Variants in EPHA7 observed in about 807,000 individuals in gnomAD.
The protein encoded by EPHA7 is EPH receptor A7.
In EPHA7, 25 loss-of-function variants were observed where a neutral mutation model predicts 112.6. That is an observed-to-expected ratio of 0.22 (90% CI 0.16 to 0.31). EPHA7 has a LOEUF of 0.31. EPHA7 is among the 10% of genes least tolerant of loss of function. The pLI is 1.00. For synonymous variants in EPHA7, 437 were observed against 406.5 expected, an observed-to-expected ratio of 1.07 and a Z score of -0.90; for missense variants, 962 against 1,212.6, an observed-to-expected ratio of 0.79 and a Z score of 3.07.
At position 93,272,075 on chromosome 6, in the gene EPHA7, G is replaced by T. The variant is rs1434083986; in HGVS notation, c.1449+223C>A. 3.3e-5 allele frequency among the ~76,000 whole-genome samples: 5 copies of T among 151,688 alleles called. No homozygotes were observed. The South Asian group carries it at 6.2e-4, about 19-fold the overall frequency. The stretch of plus-strand genomic sequence containing the variant: ...TAAATAAATATATATGCTACAAATG[G>T]GATACTTTCATTTGTGTAACACAGA... On this transcript the variant is annotated intron_variant, in intron 6 of 16. Transcript: ENST00000369303.
intron 5 of EPHA7, among the ~76,000 whole-genome samples, chr6:93,334,926 T>A (rs1774786748): frequency 6.6e-6 from 1 of 152,080 alleles, no homozygotes; most frequent in Non-Finnish European, 1.5e-5. Flanking sequence ...AGAATTGATT[T>A]TTTTTCCCCA....
In EPHA7 at chr6:93,274,496, AT is replaced by A. The variant is rs1771375976; in HGVS notation, c.1325-2075del. On this transcript the variant is annotated intron_variant, in intron 5 of 16. Transcript: ENST00000369303. ...AACTGAAAAAGAAAAGCTGCTAAAA[AT>A]ACTTCAAATATATAATATTTTGAAA... is the stretch of plus-strand genomic sequence containing the variant. 1.3e-5 allele frequency among the ~76,000 whole-genome samples: 2 copies of A among 151,988 alleles called. 1 individual carries two copies. Among genetic ancestry groups the A allele is most frequent in the South Asian group, 4.1e-4 (2 of 4,828 alleles).
At chr6:93,414,838 G>A in intron 1 of EPHA7, 71 bp from the exon 2 acceptor site, 1 of 1,230,738 alleles carries the variant, frequency 8.1e-7, no homozygotes, top group Non-Finnish European at 1.2e-6. Context: ...TTTTTAAGGT[G>A]AATCTTTTCA....
At chr6:93,308,953 T>C (rs1773394833) in intron 5 of EPHA7, among the ~76,000 whole-genome samples, 1 of 152,000 alleles carries the variant, frequency 6.6e-6, no homozygotes, top group East Asian at 1.9e-4. Flanking sequence ...TTCAAACTTT[T>C]TTTTTTTTTT....
chr6:93,391,918 T>A (rs1302637527), intron 3 of EPHA7, among the ~76,000 whole-genome samples: 2 of 151,892 alleles, frequency 1.3e-5, no homozygotes, highest in Admixed American at 1.3e-4. Flanking sequence ...TGAGTTGTAG[T>A]TGGTTTTTGA....
Position 93,255,987 on chromosome 6 carries a change from T to G in EPHA7, c.2223A>C (p.Gly741=). The G allele has an allele frequency of 6.2e-7, 1 of 1,614,058 alleles. No individual in the cohort carries two copies. The highest frequency in any genetic ancestry group is 8.5e-7 in the Non-Finnish European group (1 of 1,179,996). ...CCAAATATCTCATTCCAGCAGCAATTCCTCTCAGCATTCCTACTAACTGAA... is the reference window on the plus strand; with the variant it reads ...CCAAATATCTCATTCCAGCAGCAATGCCTCTCAGCATTCCTACTAACTGAA... ...TVIQLVGMLR[G]IAAGMRYLAD... The change falls in exon 13 of 17, where the codon GGA becomes GGC. Residue 741 remains glycine (G), a synonymous_variant. Transcript: ENST00000369303.
At chr6:93,412,693 G>A (rs1358379635) in intron 2 of EPHA7, among the ~76,000 whole-genome samples, 1 of 152,028 alleles carries the variant, frequency 6.6e-6, no homozygotes, top group African/African-American at 2.4e-5. Flanking sequence ...CTAGATTTCA[G>A]TCTCTTAATT....
intron 5 of EPHA7, among the ~76,000 whole-genome samples, chr6:93,296,221 C>T (rs1772655317): frequency 6.8e-6 from 1 of 148,136 alleles, no homozygotes. Context: ...TTATGGAAAA[C>T]AATATGGAGT....
intron 2 of EPHA7, among the ~76,000 whole-genome samples, chr6:93,413,343 T>C (rs1779067846): frequency 6.6e-6 from 1 of 151,956 alleles, no homozygotes; most frequent in Non-Finnish European, 1.5e-5. Flanking sequence ...CAAGATAACA[T>C]TGACAGTCAT....
intron 5 of EPHA7, among the ~76,000 whole-genome samples, chr6:93,282,997 G>C (rs536279173): frequency 1.3e-3 from 201 of 152,328 alleles, no homozygotes; most frequent in South Asian, 3.5e-3. Flanking sequence ...TGCAGGAGCA[G>C]GGCGCGGGAC....
chr6:93,252,929 A>G (rs1770277684), intron 14 of EPHA7, among the ~76,000 whole-genome samples: 1 of 152,040 alleles, frequency 6.6e-6, no homozygotes, highest in Admixed American at 6.6e-5. Flanking sequence ...CATAATGTTC[A>G]TTTTTAAGAA....
chr6:93,374,008 A>T (rs1463867218), intron 3 of EPHA7, among the ~76,000 whole-genome samples: 2 of 152,172 alleles, frequency 1.3e-5, no homozygotes, highest in East Asian at 3.9e-4. Context: ...TGTCAGAAGA[A>T]TTATTAAGAA....
Position 93,414,738 on chromosome 6 carries a change from T to C in EPHA7, c.127A>G (p.Thr43Ala). ...VLLLDSKAQQ[T>A]ELEWISSPPN... Reference sequence around the variant, plus strand: ...GGAGAGGAAATCCACTCCAACTCTGTTTGTTGTGCTTTAGAATCCAGCAGT... The same window carrying C: ...GGAGAGGAAATCCACTCCAACTCTGCTTGTTGTGCTTTAGAATCCAGCAGT... Residue 43 changes from threonine to alanine, a missense_variant, in exon 2 of 17, where the codon ACA becomes GCA. Thr to Ala is a moderately conservative substitution (Grantham distance 58). Transcript: ENST00000369303. 1 of 1,612,674 alleles carries C rather than the reference T, an allele frequency of 6.2e-7. No homozygotes were observed.
At chr6:93,287,056 C>T (rs950763993) in intron 5 of EPHA7, among the ~76,000 whole-genome samples, 1 of 152,112 alleles carries the variant, frequency 6.6e-6, no homozygotes, top group African/African-American at 2.4e-5. Context: ...AATACTCCAC[C>T]ATGCATATTT....
At chr6:93,269,889 T>C (rs1281370041) in intron 6 of EPHA7, among the ~76,000 whole-genome samples, 7 of 151,906 alleles carry the variant, frequency 4.6e-5, no homozygotes, top group African/African-American at 1.4e-4. Context: ...AAAACATTTA[T>C]GGTGTTTTTA....
In EPHA7 at chr6:93,381,732, T is replaced by C. The variant is rs1777345775; in HGVS notation, c.833-23321A>G. ...ACAAAGATTTTTTTCTTTTTATTTC[T>C]TTTTTTTTTCTTATACCTGTGATCC... On this transcript the variant is annotated intron_variant, in intron 3 of 16. Coordinates refer to ENST00000369303, the MANE Select transcript of EPHA7 (RefSeq NM_004440.4). Among the ~76,000 whole-genome samples the C allele has an allele frequency of 3.2e-4, 3 of 9,286 alleles. 1 individual carries two copies. Among genetic ancestry groups the C allele is most frequent in the Admixed American group, 9.9e-4 (1 of 1,010 alleles). 6.1% of individuals were successfully genotyped at this position (9,286 alleles called of 152,430 possible).
chr6:93,395,612 C>CACACACAT (rs1289597831), intron 3 of EPHA7, among the ~76,000 whole-genome samples: 2 of 148,392 alleles, frequency 1.3e-5, no homozygotes, highest in Non-Finnish European at 3.0e-5. Flanking sequence ...CACACACACA[C>CACACACAT]ATCTGTCCGT....
At chr6:93,319,328 G>A (rs1324648341) in intron 5 of EPHA7, among the ~76,000 whole-genome samples, 1 of 152,042 alleles carries the variant, frequency 6.6e-6, no homozygotes, top group Non-Finnish European at 1.5e-5. Context: ...GATGAGTTTG[G>A]TAGCCAAACA....
chr6:93,341,971 G>C (rs571824334), intron 5 of EPHA7, among the ~76,000 whole-genome samples: 1 of 151,788 alleles, frequency 6.6e-6, no homozygotes, highest in East Asian at 1.9e-4. Context: ...CTCTTTCAGG[G>C]CCTGCCTGGT....
Sources: allele counts gnomAD v4.1 joint callset (sites outside exome capture counted in the v4.1 genomes callset), GRCh38; gene constraint gnomAD v4.1.1; transcripts MANE v1.5; gene names NCBI Gene and HGNC (gene_info 2026-07-23, HGNC 2026-07-21).